The following RAD54B variants were observed in gnomAD, a reference collection of about 807,000 sequenced individuals.
RAD54B encodes RAD54 homolog B, also known as DNA repair and recombination protein RAD54B.
In RAD54B, 78 loss-of-function variants were observed where a neutral mutation model predicts 95.8. The observed-to-expected ratio is 0.81, with a 90% CI of 0.68 to 0.98. RAD54B has a LOEUF of 0.98. RAD54B is among the 50% of genes least tolerant of loss of function. RAD54B has a pLI of 0.00. For missense variants in RAD54B, 957 were observed against 1,056.6 expected, an observed-to-expected ratio of 0.91 and a Z score of 1.31; for synonymous variants, 328 against 354.9, an observed-to-expected ratio of 0.92 and a Z score of 0.85.
rs745934146 is a variant in RAD54B, at chr8:94,393,901, G to A, written c.1379-19C>T. ...GGAGTACCTAAAGAGAGACAAAAAT[G>A]AGTAAAAGGTCAAGTTTGTGTTTTA... On this transcript the variant is annotated intron_variant, in intron 8 of 14. Coordinates refer to ENST00000336148, the MANE Select transcript of RAD54B (RefSeq NM_012415.3). The A allele has an allele frequency of 1.7e-5, 26 of 1,564,686 alleles. No individual in the cohort carries two copies. Among genetic ancestry groups the A allele is most frequent in the Non-Finnish European group, 2.0e-5 (23 of 1,159,496 alleles).
Position 94,391,804 on chromosome 8 carries a change from A to T in RAD54B, c.1614T>A (p.Tyr538Ter). The T allele has an allele frequency of 6.2e-7, 1 of 1,613,854 alleles. No homozygotes were observed. The highest frequency in any genetic ancestry group is 8.5e-7 in the Non-Finnish European group (1 of 1,179,878). The change falls in exon 10 of 15, where the codon TAT becomes TAA. Residue 538 changes from tyrosine to a stop codon, truncating the protein, a stop_gained. Transcript: ENST00000336148. LOFTEE classifies it high-confidence loss of function. ...CAACATTCTCTATTTTAGGTGGGAG[A>T]TATTTATTTATAATTTCTTGGGTTC... Reference protein sequence around the residue: ...LRRTQEIINKYLPPKIENVVF... With the variant: ...LRRTQEIINK
intron 3 of RAD54B, among the ~76,000 whole-genome samples, chr8:94,434,828 A>G (rs2130115323): frequency 6.6e-6 from 1 of 151,804 alleles, no homozygotes; most frequent in African/African-American, 2.4e-5. Context: ...TTTAAGCCAT[A>G]GGTATAGAAA....
At chr8:94,415,533 A>G (rs984586383) in intron 3 of RAD54B, among the ~76,000 whole-genome samples, 1 of 138,892 alleles carries the variant, frequency 7.2e-6, no homozygotes, top group Non-Finnish European at 1.6e-5. Flanking sequence ...TAATTAAACT[A>G]AAGAGCTTCT....
At chr8:94,454,151 TAA>T (rs34049102) in intron 3 of RAD54B, among the ~76,000 whole-genome samples, 3 of 144,326 alleles carry the variant, frequency 2.1e-5, no homozygotes, top group Non-Finnish European at 3.1e-5. Context: ...CATTACCTTT[TAA>T]AAAAAAAAAA....
intron 3 of RAD54B, among the ~76,000 whole-genome samples, chr8:94,432,923 T>C (rs1462220319): frequency 6.6e-6 from 1 of 151,994 alleles, no homozygotes; most frequent in Non-Finnish European, 1.5e-5. Flanking sequence ...AGAAGGCCAA[T>C]GAAGAAAATA....
chr8:94,374,376 CAAGAG>C (rs1810516689), intron 14 of RAD54B, among the ~76,000 whole-genome samples: 1 of 151,534 alleles, frequency 6.6e-6, no homozygotes, highest in South Asian at 2.1e-4. Context: ...TCTGGCTAAC[CAAGAG>C]TTCGCCAGTA....
In RAD54B at chr8:94,419,855, TAC is replaced by T. The variant is rs562202771; in HGVS notation, c.305-8542_305-8541del. Reference sequence around the variant, plus strand: ...CTAGAAATTATTAAACACTTTAGTATACAGTCATGTACCACACAACAAGGTTT... The same window carrying T: ...CTAGAAATTATTAAACACTTTAGTATAGTCATGTACCACACAACAAGGTTT... On this transcript the variant is annotated intron_variant, in intron 3 of 14. Coordinates refer to ENST00000336148, the MANE Select transcript of RAD54B (RefSeq NM_012415.3). Among the ~76,000 whole-genome samples, 284 of 151,844 alleles carry T rather than the reference TAC, an allele frequency of 1.9e-3. 1 individual carries two copies. The highest frequency in any genetic ancestry group is 3.4e-3 in the Middle Eastern group (1 of 294).
intron 14 of RAD54B, among the ~76,000 whole-genome samples, chr8:94,372,744 G>A (rs1369792171): frequency 1.3e-5 from 2 of 152,008 alleles, no homozygotes; most frequent in Non-Finnish European, 2.9e-5. Flanking sequence ...AATATAATTC[G>A]AACAATCTGG....
At chr8:94,461,695 G>A (rs564530093) in intron 2 of RAD54B, among the ~76,000 whole-genome samples, 35 of 152,028 alleles carry the variant, frequency 2.3e-4, no homozygotes, top group African/African-American at 7.5e-4. Flanking sequence ...TTAACCATTG[G>A]TTTACATTTT....
intron 3 of RAD54B, among the ~76,000 whole-genome samples, chr8:94,423,048 T>C (rs1811861786): frequency 1.3e-5 from 2 of 152,112 alleles, no homozygotes; most frequent in South Asian, 4.2e-4. Context: ...TATAACTCTG[T>C]CCTCATTTCC....
At chr8:94,474,266 C>G (rs777867001) in intron 1 of RAD54B, among the ~76,000 whole-genome samples, 23 of 152,178 alleles carry the variant, frequency 1.5e-4, no homozygotes, top group Non-Finnish European at 5.9e-5. Flanking sequence ...GTAACATGCT[C>G]ACTACCTGGG....
intron 2 of RAD54B, among the ~76,000 whole-genome samples, chr8:94,466,970 G>A (rs1277292138): frequency 6.6e-6 from 1 of 152,066 alleles, no homozygotes; most frequent in East Asian, 1.9e-4. Flanking sequence ...TGTTGCCCAG[G>A]CTGGATGGAG....
intron 3 of RAD54B, among the ~76,000 whole-genome samples, chr8:94,453,106 T>C (rs963997244): frequency 5.3e-5 from 8 of 152,298 alleles, no homozygotes; most frequent in Middle Eastern, 3.4e-3. Context: ...CCTATATGTA[T>C]ATATTATATA....
intron 2 of RAD54B, among the ~76,000 whole-genome samples, chr8:94,463,665 C>T (rs1812955182): frequency 6.6e-6 from 1 of 151,356 alleles, no homozygotes; most frequent in Non-Finnish European, 1.5e-5. Flanking sequence ...ACTGCTTGAG[C>T]TCAGGACTTA....
Position 94,380,183 on chromosome 8 carries a change from G to A in RAD54B, c.2209C>T (p.Leu737Phe). The change falls in exon 12 of 15, where the codon CTC (leucine) becomes TTC (phenylalanine). Residue 737 changes from leucine to phenylalanine, a missense_variant. Physicochemically the swap from Leu to Phe is conservative, Grantham distance 22. Transcript: ENST00000336148. ...LNLIGGSHLILYDIDWNPATD... is the reference protein window; with the variant it reads ...LNLIGGSHLIFYDIDWNPATD... Reference sequence around the variant, plus strand: ...GCTGGATTCCAATCAATGTCATAGAGAATTAAGTGAGATCCTCCAATGAGG... The same window carrying A: ...GCTGGATTCCAATCAATGTCATAGAAAATTAAGTGAGATCCTCCAATGAGG... The A allele has an allele frequency of 6.2e-7, 1 of 1,612,952 alleles. No individual in the cohort carries two copies. Among genetic ancestry groups the A allele is most frequent in the Non-Finnish European group, 8.5e-7 (1 of 1,179,252 alleles).
chr8:94,421,005 T>C (rs532183861), intron 3 of RAD54B, among the ~76,000 whole-genome samples: 1 of 149,658 alleles, frequency 6.7e-6, no homozygotes, highest in Non-Finnish European at 1.5e-5. Flanking sequence ...AAAAAAGAGA[T>C]GTTTTCCTAC....
chr8:94,391,805 T>A lies in RAD54B; in HGVS notation c.1613A>T (p.Tyr538Phe). ...LRRTQEIINK[Y>F]LPPKIENVVF... ...AACATTCTCTATTTTAGGTGGGAGA[T>A]ATTTATTTATAATTTCTTGGGTTCT... The change falls in exon 10 of 15, where the codon TAT becomes TTT. Residue 538 changes from tyrosine (Y) to phenylalanine (F), a missense_variant. Tyr to Phe is a conservative substitution (Grantham distance 22, BLOSUM62 3). Coordinates refer to ENST00000336148, the MANE Select transcript of RAD54B (RefSeq NM_012415.3). The A allele has an allele frequency of 6.2e-7, 1 of 1,613,964 alleles. No homozygotes were observed. The highest frequency in any genetic ancestry group is 8.5e-7 in the Non-Finnish European group (1 of 1,179,910).
At chr8:94,411,449 A>T in intron 3 of RAD54B, 134 bp from the exon 4 acceptor site, 1 of 669,646 alleles carries the variant, frequency 1.5e-6, no homozygotes, top group Non-Finnish European at 2.3e-6. Context: ...ATTTGATCAT[A>T]CTCATGTTAG....
At chr8:94,432,328 T>A (rs1812120977) in intron 3 of RAD54B, 2 of 1,550,318 alleles carry the variant, frequency 1.3e-6, no homozygotes, top group Non-Finnish European at 1.7e-6. Flanking sequence ...ATTTGCAGGA[T>A]CTGAGGATCA....
Sources: gnomAD v4.1 joint callset for allele counts (sites outside exome capture counted in the v4.1 genomes callset) on GRCh38, gnomAD v4.1.1 for gene constraint, MANE v1.5 for transcripts, NCBI Gene and HGNC (gene_info 2026-07-23, HGNC 2026-07-21) for gene names.